ACAP2: variants seen among roughly 807,000 people sequenced by gnomAD.
The protein encoded by ACAP2 is arf-GAP with coiled-coil, ANK repeat and PH domain-containing protein 2.
In ACAP2, 39 loss-of-function variants were observed where a neutral mutation model predicts 115.8. That is an observed-to-expected ratio of 0.34 (90% CI 0.26 to 0.44). The LOEUF (loss-of-function observed/expected upper bound fraction) is 0.44. ACAP2 is among the 20% of genes least tolerant of loss of function. The pLI is 1.00. For synonymous variants in ACAP2, 289 were observed against 315.8 expected, an observed-to-expected ratio of 0.92 and a Z score of 0.90; for missense variants, 662 against 927.6, an observed-to-expected ratio of 0.71 and a Z score of 3.72.
intron 1 of ACAP2, among the ~76,000 whole-genome samples, chr3:195,405,057 C>A (rs1424045457): frequency 6.6e-6 from 1 of 152,058 alleles, no homozygotes; most frequent in Non-Finnish European, 1.5e-5. Context: ...GCCCCAGCCT[C>A]CCAAAGTGCT....
chr3:195,428,315 C>A (rs1714839786), intron 1 of ACAP2, among the ~76,000 whole-genome samples: 1 of 147,240 alleles, frequency 6.8e-6, no homozygotes, highest in African/African-American at 2.5e-5. Flanking sequence ...TATATATACA[C>A]TCATATATAT....
In ACAP2 at chr3:195,328,939, G is replaced by A. The variant is rs565143782; in HGVS notation, c.670-1980C>T. Among the ~76,000 whole-genome samples the A allele has an allele frequency of 2.0e-5, 3 of 152,040 alleles. No individual in the cohort carries two copies. In the South Asian group the frequency reaches 6.2e-4, roughly 32 times the overall value. ...CTAAAAATACAAAACAATTAGCCGG[G>A]CGTGGTGGCGGGCGCCTGTGGTCCC... On this transcript the variant is annotated intron_variant, in intron 8 of 22. Coordinates refer to ENST00000326793, the MANE Select transcript of ACAP2 (RefSeq NM_012287.6).
intron 1 of ACAP2, among the ~76,000 whole-genome samples, chr3:195,433,983 C>T (rs1715338168): frequency 6.6e-6 from 1 of 152,108 alleles, no homozygotes; most frequent in Non-Finnish European, 1.5e-5. Context: ...AGGCTGAGTG[C>T]AGTGGCACCA....
At chr3:195,416,496 T>C (rs1318343090) in intron 1 of ACAP2, among the ~76,000 whole-genome samples, 1 of 152,168 alleles carries the variant, frequency 6.6e-6, no homozygotes, top group Non-Finnish European at 1.5e-5. Flanking sequence ...CCATCTCCTA[T>C]ATAGCTTGTA....
chr3:195,332,993 A>G (rs369946298), intron 8 of ACAP2, 35 bp downstream of exon 8: 65 of 1,474,466 alleles, frequency 4.4e-5, no homozygotes, highest in Non-Finnish European at 5.8e-5. Context: ...ATACCAATGT[A>G]TAAAACAGAA....
At chr3:195,390,762 T>C (rs1734617119) in intron 2 of ACAP2, among the ~76,000 whole-genome samples, 2 of 152,204 alleles carry the variant, frequency 1.3e-5, no homozygotes, top group Non-Finnish European at 2.9e-5. Flanking sequence ...GCAATGCCAT[T>C]TATAATTATA....
Position 195,306,543 on chromosome 3 carries a change from T to C in ACAP2, c.1084A>G (p.Thr362Ala). 1 of 1,613,058 alleles carries C rather than the reference T, an allele frequency of 6.2e-7. No individual in the cohort carries two copies. Among genetic ancestry groups the C allele is most frequent in the Non-Finnish European group, 8.5e-7 (1 of 1,179,512 alleles). Residue 362 changes from threonine to alanine, a missense_variant, in exon 13 of 23, where the codon ACT becomes GCT. Physicochemically the swap from Thr to Ala is moderately conservative, Grantham distance 58. Around this residue, in one of 3 missense-constraint regions of ACAP2, gnomAD observed 401 missense variants for 604.4 expected, o/e 0.66. Transcript: ENST00000326793. ...TCATCACCCTTCTCTCTATAAGCAG[T>C]AGCAATACTGGTCTGAACAGCCTTA... is the stretch of plus-strand genomic sequence containing the variant. Reference protein sequence around the residue: ...WIKAVQTSIATAYREKGDESE... With the variant: ...WIKAVQTSIAAAYREKGDESE...
At chr3:195,302,753 G>C (rs1477503892) in intron 13 of ACAP2, among the ~76,000 whole-genome samples, 1 of 152,110 alleles carries the variant, frequency 6.6e-6, no homozygotes, top group African/African-American at 2.4e-5. Context: ...GGGATATTAG[G>C]TAAAAGAGAA....
At chr3:195,328,088 C>T (rs1216947823) in intron 8 of ACAP2, among the ~76,000 whole-genome samples, 1 of 151,938 alleles carries the variant, frequency 6.6e-6, no homozygotes, top group Admixed American at 6.6e-5. Context: ...ATTTGCTAAA[C>T]TAACAATAAT....
chr3:195,364,506 G>A (rs1732584000), intron 4 of ACAP2, among the ~76,000 whole-genome samples: 1 of 151,984 alleles, frequency 6.6e-6, no homozygotes, highest in African/African-American at 2.4e-5. Flanking sequence ...CGGAGATGGA[G>A]GTTGCAGTAA....
intron 8 of ACAP2, among the ~76,000 whole-genome samples, chr3:195,328,682 G>A (rs964451119): frequency 2.0e-5 from 3 of 152,230 alleles, no homozygotes; most frequent in Non-Finnish European, 2.9e-5. Flanking sequence ...CTGAAATGCA[G>A]TACAAGGTAG....
At chr3:195,387,268 T>G (rs933430569) in intron 2 of ACAP2, among the ~76,000 whole-genome samples, 1 of 152,212 alleles carries the variant, frequency 6.6e-6, no homozygotes, top group Non-Finnish European at 1.5e-5. Context: ...CAAGTCCATC[T>G]AAATTATCAA....
intron 10 of ACAP2, among the ~76,000 whole-genome samples, chr3:195,317,901 A>G (rs1172836010): frequency 1.3e-5 from 2 of 152,178 alleles, no homozygotes; most frequent in Non-Finnish European, 2.9e-5. Flanking sequence ...AAAAAGATTC[A>G]TAAGTGATAA....
intron 5 of ACAP2, among the ~76,000 whole-genome samples, chr3:195,344,170 A>T (rs1336570343): frequency 1.3e-5 from 2 of 152,234 alleles, no homozygotes; most frequent in Non-Finnish European, 2.9e-5. Flanking sequence ...GTGAGTTATT[A>T]TCAAGCCACT....
At chr3:195,346,929 G>T (rs1560269667) in intron 4 of ACAP2, among the ~76,000 whole-genome samples, 1 of 152,094 alleles carries the variant, frequency 6.6e-6, no homozygotes, top group Non-Finnish European at 1.5e-5. Context: ...AAGACTGAGG[G>T]GATGAAAAAT....
At chr3:195,426,561 T>C (rs928609969) in intron 1 of ACAP2, among the ~76,000 whole-genome samples, 1 of 152,180 alleles carries the variant, frequency 6.6e-6, no homozygotes, top group East Asian at 1.9e-4. Context: ...TTAAGCAGTA[T>C]TATGTCACAA....
At chr3:195,291,648 T>C (rs1047235033) in intron 20 of ACAP2, 58 bp downstream of exon 20, 70 of 1,448,396 alleles carry the variant, frequency 4.8e-5, no homozygotes, top group Non-Finnish European at 6.4e-5. Flanking sequence ...AACTAAAACA[T>C]TAATTCAAAA....
At chr3:195,433,066 T>C (rs1577477176) in intron 1 of ACAP2, among the ~76,000 whole-genome samples, 2 of 152,290 alleles carry the variant, frequency 1.3e-5, no homozygotes, top group African/African-American at 2.4e-5. Flanking sequence ...TTGGTATCCA[T>C]AGGACATTGG....
intron 4 of ACAP2, among the ~76,000 whole-genome samples, chr3:195,352,398 A>C (rs1731672565): frequency 6.6e-6 from 1 of 152,248 alleles, no homozygotes; most frequent in Non-Finnish European, 1.5e-5. Flanking sequence ...AAATTAATAT[A>C]AACAATAAAT....
Sources: gnomAD v4.1 joint callset for allele counts (sites outside exome capture counted in the v4.1 genomes callset) on GRCh38, gnomAD v4.1.1 for gene constraint, gnomAD v4.1.1 regional missense constraint, MANE v1.5 for transcripts, NCBI Gene and HGNC (gene_info 2026-07-23, HGNC 2026-07-21) for gene names.